Variants in TARBP1 observed in about 807,000 individuals in gnomAD.
The protein encoded by TARBP1 is tRNA guanosine 2 -O-methyltransferase TARBP1.
A neutral mutation model predicts 178.6 loss-of-function variants in TARBP1; 144 were observed. The observed-to-expected ratio is 0.81, with a 90% CI of 0.70 to 0.93. The LOEUF (loss-of-function observed/expected upper bound fraction) is 0.93. TARBP1 is among the 40% of genes least tolerant of loss of function. The pLI is 0.00. For missense variants in TARBP1, 2,067 were observed against 2,011.7 expected (o/e 1.03, Z -0.53); for synonymous variants, 787 against 781.0 (o/e 1.01, Z -0.13).
intron 22 of TARBP1, among the ~76,000 whole-genome samples, chr1:234,414,677 G>A (rs1485860195): frequency 6.6e-6 from 1 of 152,126 alleles, no homozygotes; most frequent in East Asian, 1.9e-4. Context: ...ATTCAAGAGT[G>A]GGTTGGGAAG....
chr1:234,460,307 C>T lies in TARBP1; in HGVS notation c.1489G>A (p.Val497Ile), dbSNP rs1215663458. Residue 497 changes from valine to isoleucine, a missense_variant, in exon 7 of 30, where the codon GTC (valine) becomes ATC (isoleucine). Transcript: ENST00000040877. The stretch of plus-strand genomic sequence containing the variant: ...ATACCCAGGGCCTTATGTCTTGGGA[C>T]ATTTGCCAAAGCCTTAGATAGAAAC... ...ILFLSKALAN[V>I]PRHKALGIDG... is the part of the protein sequence containing the mutation. 2 of 1,614,128 alleles carry T rather than the reference C, an allele frequency of 1.2e-6. No individual in the cohort carries two copies. Among genetic ancestry groups the T allele is most frequent in the Non-Finnish European group, 8.5e-7 (1 of 1,180,014 alleles).
rs1669792891 is a variant in TARBP1, at chr1:234,478,457, G to A, written c.647C>T (p.Ala216Val). 2.2e-6 allele frequency: 3 copies of A among 1,385,048 alleles called. No homozygotes were observed. The highest frequency in any genetic ancestry group is 1.9e-6 in the Non-Finnish European group (2 of 1,065,920). 85.8% of individuals were successfully genotyped at this position (1,385,048 alleles called of 1,614,324 possible). A position where few individuals can be genotyped will look rare whatever the true frequency, so the allele number is the denominator to read the frequency against. The change falls in exon 1 of 30, where the codon GCG becomes GTG. Residue 216 changes from alanine (A) to valine (V), a missense_variant. By Grantham distance (64) the Ala-to-Val change is moderately conservative. Transcript: ENST00000040877. ...GCCGGACCCCAGGGACGCCCCAGGC[G>A]CGGCCAGCCCGCCCCACACGGCCCG... Reference protein sequence around the residue: ...ALRAVWGGLAAPGASLGSGRV... With the variant: ...ALRAVWGGLAVPGASLGSGRV...
chr1:234,448,941 T>A (rs1356778016), intron 10 of TARBP1, among the ~76,000 whole-genome samples: 1 of 150,758 alleles, frequency 6.6e-6, no homozygotes, highest in African/African-American at 2.4e-5. Context: ...GCTAGTGGAG[T>A]CTACACTAGG....
At chr1:234,414,224 A>G (rs1331827539) in intron 22 of TARBP1, among the ~76,000 whole-genome samples, 1 of 152,220 alleles carries the variant, frequency 6.6e-6, no homozygotes, top group Non-Finnish European at 1.5e-5. Flanking sequence ...ATGCATGGAC[A>G]TGGCTGTGTT....
At chr1:234,441,035 T>G (rs1665538593) in intron 12 of TARBP1, among the ~76,000 whole-genome samples, 1 of 151,992 alleles carries the variant, frequency 6.6e-6, no homozygotes, top group South Asian at 2.1e-4. Context: ...AATACAAAGA[T>G]TAACCAGGCA....
intron 11 of TARBP1, among the ~76,000 whole-genome samples, chr1:234,447,949 A>G (rs1403092784): frequency 6.6e-6 from 1 of 152,108 alleles, no homozygotes; most frequent in Non-Finnish European, 1.5e-5. Context: ...TTTAACATTA[A>G]ATGTTTTTCA....
chr1:234,453,484 C>T (rs1666990865), intron 9 of TARBP1, among the ~76,000 whole-genome samples: 1 of 151,972 alleles, frequency 6.6e-6, no homozygotes, highest in Non-Finnish European at 1.5e-5. Flanking sequence ...GCCACCATGC[C>T]TGGCTGGAAC....
At chr1:234,431,515 G>A (rs912727939) in intron 14 of TARBP1, among the ~76,000 whole-genome samples, 3 of 152,118 alleles carry the variant, frequency 2.0e-5, no homozygotes, top group East Asian at 1.9e-4. Flanking sequence ...TAAAGCAATC[G>A]AGTATCTTCT....
At chr1:234,419,570 A>T (rs1662854666) in intron 21 of TARBP1, among the ~76,000 whole-genome samples, 4 of 152,158 alleles carry the variant, frequency 2.6e-5, no homozygotes. Flanking sequence ...TTTTTCTTGC[A>T]GGTGTGCCCG....
chr1:234,465,840 G>A (rs270504), intron 4 of TARBP1, 132 bp from the exon 5 acceptor site: 183,824 of 698,012 alleles, frequency 0.26, 27,118 homozygotes, highest in Non-Finnish European at 0.31. Flanking sequence ...GATCTCTTAC[G>A]CTGCAGGCTA....
intron 9 of TARBP1, among the ~76,000 whole-genome samples, chr1:234,450,856 G>A (rs1666686933): frequency 6.6e-6 from 1 of 151,896 alleles, no homozygotes; most frequent in Non-Finnish European, 1.5e-5. Flanking sequence ...TTCAAAGAAT[G>A]TATAAACTTC....
rs368499229 is a variant in TARBP1 at position 234,425,692 on chromosome 1, G to C, written c.3425C>G (p.Ala1142Gly). Residue 1142 changes from alanine (A) to glycine (G), a missense_variant, in exon 20 of 30, where the codon GCA becomes GGA. Physicochemically the swap from Ala to Gly is moderately conservative, Grantham distance 60. Transcript: ENST00000040877. ...MSHKLFIEDL[A>G]IKLLDKDELV... Reference sequence around the variant, plus strand: ...ACTTACTTTATCTAATAGCTTGATTGCAAGATCCTCAATAAACAACTTGTG... The same window carrying C: ...ACTTACTTTATCTAATAGCTTGATTCCAAGATCCTCAATAAACAACTTGTG... 2.1e-5 allele frequency: 34 copies of C among 1,611,680 alleles called. No homozygotes were observed. Among genetic ancestry groups the C allele is most frequent in the Non-Finnish European group, 2.8e-5 (33 of 1,179,208 alleles).
Position 234,410,454 on chromosome 1 carries a change from A to G in TARBP1, c.3783T>C (p.Ile1261=), listed in dbSNP as rs767479800. 4.8e-6 allele frequency: 7 copies of G among 1,472,156 alleles called. No homozygotes were observed. Among genetic ancestry groups the G allele is most frequent in the Middle Eastern group, 1.7e-4 (1 of 5,764 alleles). 91.2% of individuals were successfully genotyped at this position (1,472,156 alleles called of 1,614,324 possible). ...LSHLDIITQN[I]PEKKLILKQA... is the part of the protein sequence containing the mutation. ...TTACAAACAAACTTACCTTTTCTGG[A>G]ATATTTTGAGTAATAATGTCTAAAT... The change falls in exon 23 of 30, where the codon ATT becomes ATC. Residue 1261 remains isoleucine, a synonymous_variant. Coordinates refer to ENST00000040877, the MANE Select transcript of TARBP1 (RefSeq NM_005646.4).
intron 17 of TARBP1, 39 bp downstream of exon 17, chr1:234,429,097 A>T (rs1476153176): frequency 6.6e-7 from 1 of 1,514,178 alleles, no homozygotes; most frequent in South Asian, 1.4e-5. Context: ...AAGCTCACAC[A>T]CATGAAAAGA....
At chr1:234,445,798 CTTTTATATATAGGATATATA>C (rs68053036) in intron 12 of TARBP1, among the ~76,000 whole-genome samples, 45,511 of 151,776 alleles carry the variant, frequency 0.3, 6,997 homozygotes, top group Admixed American at 0.41. Context: ...ACTTTGCATC[CTTTTATATATAGGATATATA>C]TAACTTTTAT....
rs1141264 is a variant in TARBP1 at position 234,410,499 on chromosome 1, C to T, written c.3738G>A (p.Thr1246=). ...CTAAATGTGATAAAACTGCTAAAAA[C>T]GTACAAATGCTTGTTTTAAGATTTT... is the stretch of plus-strand genomic sequence containing the variant. ...GEENLKTSIC[T]FLAVLSHLDI... Residue 1246 remains threonine, a synonymous_variant, in exon 23 of 30, where the codon ACG becomes ACA. Transcript: ENST00000040877. The T allele has an allele frequency of 0.36, 535,997 of 1,482,722 alleles. 100,074 individuals are homozygous for T. Among genetic ancestry groups the T allele is most frequent in the Non-Finnish European group, 0.37 (402,473 of 1,075,306 alleles). 91.8% of individuals were successfully genotyped at this position (1,482,722 alleles called of 1,614,324 possible).
At chr1:234,422,969 A>T (rs1013595669) in intron 20 of TARBP1, among the ~76,000 whole-genome samples, 4 of 152,206 alleles carry the variant, frequency 2.6e-5, no homozygotes, top group Non-Finnish European at 5.9e-5. Flanking sequence ...CAGCTCCAGA[A>T]TCACAAGGGC....
rs1477762392 is a variant in TARBP1, at chr1:234,478,154, G to T, written c.931+19C>A. 6.2e-7 allele frequency: 1 copy of T among 1,610,732 alleles called. No homozygotes were observed. Among genetic ancestry groups the T allele is most frequent in the South Asian group, 1.1e-5 (1 of 90,784 alleles). On this transcript the variant is annotated intron_variant, in intron 1 of 29. Coordinates refer to ENST00000040877, the MANE Select transcript of TARBP1 (RefSeq NM_005646.4). ...AGCCAAGTAGGTAGCACTAGGCTGGGGGGCAAAGAGGCAGGTACCGTTTCC... is the reference window on the plus strand; with the variant it reads ...AGCCAAGTAGGTAGCACTAGGCTGGTGGGCAAAGAGGCAGGTACCGTTTCC...
intron 12 of TARBP1, among the ~76,000 whole-genome samples, chr1:234,438,655 G>A (rs1370827283): frequency 3.3e-5 from 5 of 152,124 alleles, no homozygotes; most frequent in South Asian, 2.1e-4. Flanking sequence ...TAATAACAAC[G>A]ATCTTATTTT....
Sources: gnomAD v4.1 joint callset for allele counts (sites outside exome capture counted in the v4.1 genomes callset) on GRCh38, gnomAD v4.1.1 for gene constraint, MANE v1.5 for transcripts, NCBI Gene and HGNC (gene_info 2026-07-23, HGNC 2026-07-21) for gene names.